GHR: variants seen among roughly 807,000 people sequenced by gnomAD.
GHR encodes growth hormone receptor.
A neutral mutation model predicts 67.1 loss-of-function variants in GHR; 35 were observed. That is an observed-to-expected ratio of 0.52 (90% CI 0.40 to 0.69). GHR has a LOEUF of 0.69. Among genes scored for constraint, GHR ranks in the 30% least tolerant of loss-of-function variants. The pLI is 0.00. For synonymous variants in GHR, 272 were observed against 269.1 expected (o/e 1.01, Z -0.10); for missense variants, 792 against 764.6 (o/e 1.04, Z -0.42).
intron 1 of GHR, among the ~76,000 whole-genome samples, chr5:42,440,353 G>A (rs1579701817): frequency 6.6e-6 from 1 of 152,152 alleles, no homozygotes; most frequent in East Asian, 1.9e-4. Context: ...TGGGATATTT[G>A]AGATCTAAGT....
At chr5:42,465,678 C>T (rs546782081) in intron 1 of GHR, 7 of 855,198 alleles carry the variant, frequency 8.2e-6, no homozygotes, top group Middle Eastern at 3.3e-4. Context: ...TACAGGTCCT[C>T]GTGCTTCAGG....
At position 42,478,693 on chromosome 5, in the gene GHR, G is replaced by A. The variant is rs371589532; in HGVS notation, c.-12+54738G>A. The stretch of plus-strand genomic sequence containing the variant: ...TGATTTGGCTCTCTGTTTGTCTGTT[G>A]TTGGTGTATAAGAATGCTTGTGATT... On this transcript the variant is annotated intron_variant, in intron 1 of 9. Coordinates refer to ENST00000230882, the MANE Select transcript of GHR (RefSeq NM_000163.5). Among the ~76,000 whole-genome samples the A allele has an allele frequency of 1.2e-4, 18 of 152,176 alleles. 1 individual carries two copies. The highest frequency in any genetic ancestry group is 5.8e-4 in the East Asian group (3 of 5,174).
rs1206463739 is a variant in GHR, at chr5:42,480,307, G to C, written c.-12+56352G>C. 2.6e-5 allele frequency among the ~76,000 whole-genome samples: 4 copies of C among 152,224 alleles called. No individual in the cohort carries two copies. The South Asian group carries it at 6.2e-4, about 24-fold the overall frequency. On this transcript the variant is annotated intron_variant, in intron 1 of 9. Transcript: ENST00000230882. ...TTGCTGAGGAGTGCTTTACTTCCAA[G>C]TATGTGGTCAATTTTGGAATAGGTG...
chr5:42,683,029 G>A (rs1756965363), intron 3 of GHR, among the ~76,000 whole-genome samples: 1 of 151,660 alleles, frequency 6.6e-6, no homozygotes, highest in Admixed American at 6.6e-5. Flanking sequence ...TTGAGATGGA[G>A]TCTTGCTCCA....
rs1422142604 is a variant in GHR at position 42,474,289 on chromosome 5, G to GAAAGAAAGAAAGAA, written c.-12+50335_-12+50336insAAGAAAGAAAGAAA. Among the ~76,000 whole-genome samples, 39 of 24,032 alleles carry GAAAGAAAGAAAGAA rather than the reference G, an allele frequency of 1.6e-3. 3 individuals are homozygous for GAAAGAAAGAAAGAA. In the East Asian group the frequency reaches 0.016, roughly 10 times the overall value. 15.8% of individuals were successfully genotyped at this position (24,032 alleles called of 152,430 possible). ...AAAGAAAGAAAGAAAGAAAGAAAAAGAGAAAGAGAAAGAAAGAAAGAAAGA... is the reference window on the plus strand; with the variant it reads ...AAAGAAAGAAAGAAAGAAAGAAAAAGAAAGAAAGAAAGAAAGAAAGAGAAAGAAAGAAAGAAAGA... On this transcript the variant is annotated intron_variant, in intron 1 of 9. Transcript: ENST00000230882.
intron 1 of GHR, among the ~76,000 whole-genome samples, chr5:42,457,812 T>C (rs1209557030): frequency 6.6e-6 from 1 of 152,226 alleles, no homozygotes; most frequent in African/African-American, 2.4e-5. Flanking sequence ...TATCCTAGCC[T>C]ATTTCCTATT....
At chr5:42,669,751 G>T (rs751211422) in intron 3 of GHR, among the ~76,000 whole-genome samples, 5 of 151,986 alleles carry the variant, frequency 3.3e-5, no homozygotes, top group East Asian at 1.9e-4. Flanking sequence ...GTATGAAAAA[G>T]AAATTTAGAA....
chr5:42,618,812 T>C (rs961823623), intron 2 of GHR, among the ~76,000 whole-genome samples: 3 of 152,004 alleles, frequency 2.0e-5, no homozygotes, highest in Non-Finnish European at 2.9e-5. Context: ...GCAAGGATAA[T>C]GGTGTAAGGT....
intron 3 of GHR, among the ~76,000 whole-genome samples, chr5:42,683,697 G>A (rs1489298243): frequency 6.6e-6 from 1 of 152,142 alleles, no homozygotes; most frequent in South Asian, 2.1e-4. Context: ...AAAGAGGAAG[G>A]TGGAAGGGAA....
chr5:42,467,572 T>C, intron 1 of GHR: 1 of 1,557,998 alleles, frequency 6.4e-7, no homozygotes. Context: ...TAAGGAGAGG[T>C]TTTTTTGATA....
At chr5:42,649,499 G>A (rs980975989) in intron 3 of GHR, among the ~76,000 whole-genome samples, 6 of 152,204 alleles carry the variant, frequency 3.9e-5, no homozygotes, top group African/African-American at 1.4e-4. Flanking sequence ...TATTAAAAGA[G>A]AAAATTATTA....
chr5:42,548,536 A>G (rs944255326), intron 1 of GHR: 8 of 966,668 alleles, frequency 8.3e-6, no homozygotes, highest in Non-Finnish European at 8.6e-6. Flanking sequence ...ATTGGTTAGT[A>G]TTCCCTTACT....
At chr5:42,657,738 T>A (rs1329373206) in intron 3 of GHR, among the ~76,000 whole-genome samples, 1 of 152,208 alleles carries the variant, frequency 6.6e-6, no homozygotes, top group Non-Finnish European at 1.5e-5. Flanking sequence ...TACTGGTGTT[T>A]CCCTTTCCTT....
At position 42,718,493 on chromosome 5, in the gene GHR, A is replaced by G. The variant is rs775435127; in HGVS notation, c.986A>G (p.His329Arg). Residue 329 changes from histidine (H) to arginine (R), a missense_variant, in exon 10 of 10, where the codon CAT (histidine) becomes CGT (arginine). Coordinates refer to ENST00000230882, the MANE Select transcript of GHR (RefSeq NM_000163.5). The part of the protein sequence containing the change: ...LEEVNTILAI[H>R]DSYKPEFHSD... ...GAGGTGAACACAATCTTAGCCATTC[A>G]TGATAGCTATAAACCCGAATTCCAC... is the stretch of plus-strand genomic sequence containing the variant. The G allele has an allele frequency of 9.9e-6, 16 of 1,610,520 alleles. No individual in the cohort carries two copies. In the African/African-American group the frequency reaches 1.5e-4, roughly 15 times the overall value.
intron 1 of GHR, among the ~76,000 whole-genome samples, chr5:42,464,156 TC>T (rs1324563098): frequency 6.6e-6 from 1 of 151,920 alleles, no homozygotes; most frequent in East Asian, 1.9e-4. Context: ...GCTTTCATTA[TC>T]TACTTACTAC....
chr5:42,522,442 C>T (rs753879565), intron 1 of GHR, among the ~76,000 whole-genome samples: 20 of 152,140 alleles, frequency 1.3e-4, no homozygotes, highest in Non-Finnish European at 2.8e-4. Context: ...TTAATAGGTG[C>T]ATCTTCCTGT....
At chr5:42,676,279 A>G (rs1429405526) in intron 3 of GHR, among the ~76,000 whole-genome samples, 1 of 151,644 alleles carries the variant, frequency 6.6e-6, no homozygotes, top group Non-Finnish European at 1.5e-5. Flanking sequence ...GCGAGACTCC[A>G]TATAAAAAAA....
chr5:42,700,456 T>A (rs1757881108), intron 6 of GHR, among the ~76,000 whole-genome samples: 1 of 152,152 alleles, frequency 6.6e-6, no homozygotes, highest in South Asian at 2.1e-4. Flanking sequence ...AATTTGTCTC[T>A]TAGAGGTTTC....
chr5:42,559,841 T>G (rs1579938165), intron 1 of GHR, among the ~76,000 whole-genome samples: 1 of 152,212 alleles, frequency 6.6e-6, no homozygotes, highest in Non-Finnish European at 1.5e-5. Flanking sequence ...GGTAACAACA[T>G]GAACTCTGAA....
Sources: gnomAD v4.1 joint callset for allele counts (sites outside exome capture counted in the v4.1 genomes callset) on GRCh38, gnomAD v4.1.1 for gene constraint, MANE v1.5 for transcripts, NCBI Gene and HGNC (gene_info 2026-07-23, HGNC 2026-07-21) for gene names.